The following NXN variants were observed in gnomAD, a reference collection of about 807,000 sequenced individuals.
NXN encodes nucleoredoxin 1.
In NXN, 16 loss-of-function variants were observed where a neutral mutation model predicts 48.6. That is an observed-to-expected ratio of 0.33 (90% CI 0.22 to 0.50). The LOEUF is 0.50. NXN is among the 20% of genes least tolerant of loss of function. The probability of loss-of-function intolerance (pLI) is 0.98; values close to 1 mark genes in which losing one functional copy is unlikely to be tolerated. For synonymous variants in NXN, 281 were observed against 269.6 expected, an observed-to-expected ratio of 1.04 and a Z score of -0.41; for missense variants, 492 against 605.5, an observed-to-expected ratio of 0.81 and a Z score of 1.97.
intron 1 of NXN, among the ~76,000 whole-genome samples, chr17:937,800 G>T (rs902390098): frequency 3.7e-4 from 56 of 152,364 alleles, no homozygotes; most frequent in Middle Eastern, 3.4e-3. Context: ...CGATGATGAT[G>T]ATTATTTTTT....
chr17:916,883 G>C (rs1270825527), intron 1 of NXN, among the ~76,000 whole-genome samples: 3 of 152,092 alleles, frequency 2.0e-5, no homozygotes, highest in African/African-American at 7.2e-5. Context: ...GGGCAACAGA[G>C]AGAAACTTCA....
intron 5 of NXN, among the ~76,000 whole-genome samples, chr17:805,957 G>A (rs1227270051): frequency 6.6e-6 from 1 of 152,128 alleles, no homozygotes; most frequent in Non-Finnish European, 1.5e-5. Context: ...GGTCAAACAC[G>A]GAACAGGCAG....
intron 1 of NXN, among the ~76,000 whole-genome samples, chr17:833,671 C>T (rs1305964980): frequency 1.3e-5 from 2 of 152,084 alleles, no homozygotes; most frequent in Admixed American, 1.3e-4. Context: ...TCATAAATCC[C>T]CCTGAAGCCT....
intron 1 of NXN, among the ~76,000 whole-genome samples, chr17:827,608 G>C (rs544214299): frequency 1.3e-5 from 2 of 152,368 alleles, no homozygotes; most frequent in East Asian, 3.9e-4. Flanking sequence ...GGGTGACAGA[G>C]TGAGACTCCG....
intron 1 of NXN, chr17:910,870 G>A (rs2068629516): frequency 6.6e-6 from 1 of 152,198 alleles, no homozygotes; most frequent in Admixed American, 6.5e-5. Context: ...ACACAGGGAT[G>A]TAACAGGCGG....
intron 1 of NXN, among the ~76,000 whole-genome samples, chr17:846,858 GA>G (rs2067867926): frequency 6.6e-6 from 1 of 150,984 alleles, no homozygotes; most frequent in African/African-American, 2.5e-5. Context: ...GAAAAAAGGA[GA>G]AAAATGGTGG....
intron 1 of NXN, among the ~76,000 whole-genome samples, chr17:888,059 C>A (rs1349129310): frequency 6.6e-6 from 1 of 152,112 alleles, no homozygotes; most frequent in African/African-American, 2.4e-5. Context: ...CAGGAGTGTT[C>A]CTGTCTCCTC....
intron 1 of NXN, among the ~76,000 whole-genome samples, chr17:878,748 A>G (rs1390992366): frequency 6.6e-6 from 1 of 152,108 alleles, no homozygotes; most frequent in East Asian, 1.9e-4. Context: ...GGGAAATGAG[A>G]ATGTCAAGGC....
At chr17:914,855 A>G (rs1275354017) in intron 1 of NXN, among the ~76,000 whole-genome samples, 3 of 152,242 alleles carry the variant, frequency 2.0e-5, no homozygotes, top group Non-Finnish European at 4.4e-5. Context: ...CCAACAGCAC[A>G]GGCAAATAAA....
chr17:887,737 G>A (rs896468872), intron 1 of NXN, among the ~76,000 whole-genome samples: 6 of 152,024 alleles, frequency 3.9e-5, no homozygotes, highest in Admixed American at 6.5e-5. Flanking sequence ...ATGGCTTGAG[G>A]GGGAAAAAAG....
intron 5 of NXN, among the ~76,000 whole-genome samples, chr17:808,850 AT>A (rs200531950): frequency 4.7e-5 from 7 of 149,636 alleles, no homozygotes; most frequent in Non-Finnish European, 7.4e-5. Flanking sequence ...CATTTTTTTA[AT>A]TTTTTAGTAG....
chr17:885,672 C>CTTTTTTTTTTTTTTT lies in NXN; in HGVS notation c.361-59609_361-59595dup, dbSNP rs532225883. Among the ~76,000 whole-genome samples, 10 of 83,748 alleles carry CTTTTTTTTTTTTTTT rather than the reference C, an allele frequency of 1.2e-4. 3 individuals carry two copies. The highest frequency in any genetic ancestry group is 2.1e-4 in the Non-Finnish European group (10 of 47,550). 54.9% of individuals were successfully genotyped at this position (83,748 alleles called of 152,430 possible). On this transcript the variant is annotated intron_variant, in intron 1 of 7. Coordinates refer to ENST00000336868, the MANE Select transcript of NXN (RefSeq NM_022463.5). ...GCCCACCTGGGGGCTGCGGTACTCG[C>CTTTTTTTTTTTTTTT]TTTTTTTTTTTTTTTTTTTTTTTTT...
intron 1 of NXN, chr17:959,513 T>G (rs539406939): frequency 2.9e-4 from 44 of 150,574 alleles, no homozygotes; most frequent in East Asian, 5.5e-4. Context: ...AAAGGTGAAA[T>G]AGGCCAGGCG....
At position 900,039 on chromosome 17, in the gene NXN, G is replaced by T. The variant is rs553899494; in HGVS notation, c.361-73961C>A. ...CCAGCACGTTGGGAGGCCGAGGCAG[G>T]CGGATCTCCTGAGGTCAGGAGTTTG... On this transcript the variant is annotated intron_variant, in intron 1 of 7. Coordinates refer to ENST00000336868, the MANE Select transcript of NXN (RefSeq NM_022463.5). Among the ~76,000 whole-genome samples, 14 of 152,318 alleles carry T rather than the reference G, an allele frequency of 9.2e-5. No individual in the cohort carries two copies. In the East Asian group the frequency reaches 2.5e-3, roughly 27 times the overall value.
In NXN at chr17:851,058, T is replaced by C. The variant is rs567389738; in HGVS notation, c.361-24980A>G. 5.9e-5 allele frequency among the ~76,000 whole-genome samples: 9 copies of C among 152,372 alleles called. No homozygotes were observed. The South Asian group carries it at 1.9e-3, about 32-fold the overall frequency. On this transcript the variant is annotated intron_variant, in intron 1 of 7. Transcript: ENST00000336868. ...AAACCACACACAAACAGCTTCTCCG[T>C]CGGGAGCACAGCTTCCTGGGACAGG...
At chr17:931,922 T>A (rs1266692472) in intron 1 of NXN, among the ~76,000 whole-genome samples, 1 of 147,026 alleles carries the variant, frequency 6.8e-6, no homozygotes, top group Admixed American at 6.7e-5. Context: ...GGCGGGGGGA[T>A]CACTCGAGGC....
intron 1 of NXN, among the ~76,000 whole-genome samples, chr17:967,851 A>G (rs1381092468): frequency 6.6e-6 from 1 of 152,140 alleles, no homozygotes; most frequent in East Asian, 1.9e-4. Flanking sequence ...GGGCACCTGT[A>G]GTCCCAGCTA....
chr17:849,085 T>G lies in NXN; in HGVS notation c.361-23007A>C, dbSNP rs1389574724. On this transcript the variant is annotated intron_variant, in intron 1 of 7. Transcript: ENST00000336868. The surrounding 1 kb of genome is among the most constrained non-coding windows in gnomAD (Gnocchi z 4.2). ...TGGTATGTAACAGGCTCCGGCTTCCTCTCTAGACCCTCCCCTGGGACGGCA... is the reference window on the plus strand; with the variant it reads ...TGGTATGTAACAGGCTCCGGCTTCCGCTCTAGACCCTCCCCTGGGACGGCA... 6.6e-6 allele frequency among the ~76,000 whole-genome samples: 1 copy of G among 152,192 alleles called. No homozygotes were observed. The highest frequency in any genetic ancestry group is 1.5e-5 in the Non-Finnish European group (1 of 68,032).
intron 5 of NXN, among the ~76,000 whole-genome samples, chr17:810,769 C>T (rs547797735): frequency 6.6e-6 from 1 of 152,102 alleles, no homozygotes; most frequent in Non-Finnish European, 1.5e-5. Flanking sequence ...CACCCCTGTA[C>T]TCCCAGCTAC....
Sources: gnomAD v4.1 joint callset for allele counts (sites outside exome capture counted in the v4.1 genomes callset) on GRCh38, gnomAD v4.1.1 for gene constraint, Gnocchi (gnomAD v3.1) non-coding constraint, MANE v1.5 for transcripts, NCBI Gene and HGNC (gene_info 2026-07-23, HGNC 2026-07-21) for gene names.